TEX26: variants seen among roughly 807,000 people sequenced by gnomAD.
The protein encoded by TEX26 is testis-expressed protein 26.
TEX26 carries 34 observed loss-of-function variants against 35.3 expected under a neutral mutation model. The ratio of observed to expected loss-of-function variants is 0.96; its 90% CI spans 0.73 to 1.28. The LOEUF (loss-of-function observed/expected upper bound fraction) is 1.28, where lower values mean the gene tolerates loss of function less well. TEX26 is among the 50% of genes most tolerant of loss of function. The probability of loss-of-function intolerance (pLI) is 0.00; values close to 1 mark genes in which losing one functional copy is unlikely to be tolerated. For synonymous variants in TEX26, 136 were observed against 111.8 expected, an observed-to-expected ratio of 1.22 and a Z score of -1.36; for missense variants, 371 against 330.1, an observed-to-expected ratio of 1.12 and a Z score of -0.96.
chr13:30,952,980 T>C (rs1455119089), intron 3 of TEX26, among the ~76,000 whole-genome samples, 155 bp downstream of exon 3: 1 of 152,218 alleles, frequency 6.6e-6, no homozygotes, highest in African/African-American at 2.4e-5. Context: ...CCTTCTCACA[T>C]TTATTTCTAA....
intron 5 of TEX26, among the ~76,000 whole-genome samples, chr13:30,967,388 G>A (rs992329959): frequency 6.6e-6 from 1 of 152,162 alleles, no homozygotes; most frequent in Non-Finnish European, 1.5e-5. Flanking sequence ...CCACTTCAGG[G>A]TAGCCCCATC....
intron 3 of TEX26, among the ~76,000 whole-genome samples, chr13:30,955,878 G>A (rs762275124): frequency 4.7e-4 from 71 of 152,128 alleles, no homozygotes; most frequent in Non-Finnish European, 9.0e-4. Flanking sequence ...GCTGGGACAC[G>A]GTTGGTGGGC....
At position 30,932,656 on chromosome 13, in the gene TEX26, G is replaced by A; in HGVS notation, c.-60G>A. 1 of 1,579,276 alleles carries A rather than the reference G, an allele frequency of 6.3e-7. No individual in the cohort carries two copies. Among genetic ancestry groups the A allele is most frequent in the African/African-American group, 1.3e-5 (1 of 74,332 alleles). ...GGCGACGCGTCACAAAGCAGCCCGC[G>A]GCTCCCGCAAGCGCTGAGATAGCTG... On this transcript the variant is annotated 5_prime_UTR_variant, in exon 1 of 7. Transcript: ENST00000380473.
At chr13:30,948,908 A>G (rs550232834) in intron 2 of TEX26, among the ~76,000 whole-genome samples, 2,069 of 152,222 alleles carry the variant, frequency 0.014, 45 homozygotes, top group African/African-American at 0.047. Flanking sequence ...ATCTTGAATT[A>G]ATTTTTGTAT....
At chr13:30,953,406 C>T (rs1954005129) in intron 3 of TEX26, among the ~76,000 whole-genome samples, 1 of 152,160 alleles carries the variant, frequency 6.6e-6, no homozygotes, top group African/African-American at 2.4e-5. Context: ...ATGTAGCATC[C>T]GTGTAGCAAA....
intron 2 of TEX26, among the ~76,000 whole-genome samples, chr13:30,946,263 C>T (rs78549376): frequency 6.6e-6 from 1 of 151,908 alleles, no homozygotes; most frequent in African/African-American, 2.4e-5. Flanking sequence ...TGCATTTCGT[C>T]ATTCCCTAAA....
chr13:30,942,050 C>T (rs190857322), intron 2 of TEX26, among the ~76,000 whole-genome samples: 3 of 152,084 alleles, frequency 2.0e-5, no homozygotes, highest in African/African-American at 4.8e-5. Context: ...CTGGATCAAA[C>T]GATAGATCTA....
chr13:30,964,859 C>A (rs895215277), intron 4 of TEX26, among the ~76,000 whole-genome samples: 5 of 152,168 alleles, frequency 3.3e-5, no homozygotes, highest in Non-Finnish European at 7.3e-5. Context: ...AGCCCACTCC[C>A]ACAATAACAG....
intron 1 of TEX26, among the ~76,000 whole-genome samples, chr13:30,938,348 ATACTGGGTAAT>A (rs1953349987): frequency 6.6e-6 from 1 of 152,194 alleles, no homozygotes; most frequent in Admixed American, 6.5e-5. Flanking sequence ...AGAATACTAC[ATACTGGGTAAT>A]TTATAAGGAA....
chr13:30,956,770 T>A (rs1321264002), intron 3 of TEX26, 103 bp from the exon 4 acceptor site: 3 of 1,077,620 alleles, frequency 2.8e-6, no homozygotes, highest in Admixed American at 2.3e-5. Context: ...TGGCAGCTGG[T>A]TGTAAAGGAT....
chr13:30,947,545 A>C (rs1255559204), intron 2 of TEX26, among the ~76,000 whole-genome samples: 2 of 152,154 alleles, frequency 1.3e-5, no homozygotes, highest in East Asian at 3.8e-4. Context: ...GCTATTAATA[A>C]GATGATTTGT....
intron 3 of TEX26, among the ~76,000 whole-genome samples, chr13:30,956,512 G>T (rs1954137691): frequency 6.6e-6 from 1 of 152,156 alleles, no homozygotes; most frequent in Non-Finnish European, 1.5e-5. Context: ...TTCCTCAGGG[G>T]CTCCCAAGGG....
chr13:30,974,150 A>ATATATATATATATATATATATATATATC (rs1954809130), intron 6 of TEX26, among the ~76,000 whole-genome samples: 2 of 142,708 alleles, frequency 1.4e-5, no homozygotes, highest in Non-Finnish European at 3.0e-5. Context: ...ATATATATAT[A>ATATATATATATATATATATATATATATC]TATATAATTA....
At chr13:30,958,792 C>T (rs1358628334) in intron 4 of TEX26, among the ~76,000 whole-genome samples, 1 of 152,160 alleles carries the variant, frequency 6.6e-6, no homozygotes, top group Non-Finnish European at 1.5e-5. Flanking sequence ...TAGTATATCC[C>T]GTCTAGCATG....
chr13:30,951,861 T>C (rs1953933328), intron 2 of TEX26, among the ~76,000 whole-genome samples: 1 of 151,896 alleles, frequency 6.6e-6, no homozygotes, highest in African/African-American at 2.4e-5. Flanking sequence ...TGGTTTGAAA[T>C]TGAATCTAAA....
At chr13:30,973,316 T>C (rs898452856) in intron 6 of TEX26, 4 of 152,220 alleles carry the variant, frequency 2.6e-5, no homozygotes, top group Admixed American at 2.6e-4. Flanking sequence ...TTTGAAGGTC[T>C]ACAACTGGGA....
At chr13:30,934,562 A>T (rs1265972162) in intron 1 of TEX26, among the ~76,000 whole-genome samples, 1 of 152,188 alleles carries the variant, frequency 6.6e-6, no homozygotes, top group Non-Finnish European at 1.5e-5. Flanking sequence ...CTCCCTCTAC[A>T]GGCCCTAGGG....
At chr13:30,951,718 A>G (rs907898011) in intron 2 of TEX26, among the ~76,000 whole-genome samples, 3 of 152,172 alleles carry the variant, frequency 2.0e-5, no homozygotes, top group Admixed American at 6.5e-5. Context: ...TGTATCTCTA[A>G]AAGATAAGGA....
Position 30,952,689 on chromosome 13 carries a change from C to T in TEX26, c.176C>T (p.Thr59Ile). 6.2e-7 allele frequency: 1 copy of T among 1,606,970 alleles called. No individual in the cohort carries two copies. The highest frequency in any genetic ancestry group is 8.5e-7 in the Non-Finnish European group (1 of 1,177,454). Reference sequence around the variant, plus strand: ...AACGGTATCAGAAGATTAGGATATACATATTCACTTAGTGATCCTATTCTC... The same window carrying T: ...AACGGTATCAGAAGATTAGGATATATATATTCACTTAGTGATCCTATTCTC... The part of the protein sequence containing the change: ...RQNGIRRLGY[T>I]YSLSDPILNQ... The change falls in exon 3 of 7, where the codon ACA becomes ATA. Residue 59 changes from threonine to isoleucine, a missense_variant. Physicochemically the swap from Thr to Ile is moderately conservative, Grantham distance 89 (BLOSUM62 -1). Transcript: ENST00000380473.
Sources: gnomAD v4.1 joint callset for allele counts (sites outside exome capture counted in the v4.1 genomes callset) on GRCh38, gnomAD v4.1.1 for gene constraint, MANE v1.5 for transcripts, NCBI Gene and HGNC (gene_info 2026-07-23, HGNC 2026-07-21) for gene names.